The following KIF26B variants were observed in gnomAD, a reference collection of about 807,000 sequenced individuals.
KIF26B encodes kinesin family member 26B, also known as kinesin-like protein KIF26B.
In KIF26B, 63 loss-of-function variants were observed where a neutral mutation model predicts 151.2. That is an observed-to-expected ratio of 0.42 (90% confidence interval 0.34 to 0.51). The LOEUF is 0.51. Among genes scored for constraint, KIF26B ranks in the 20% least tolerant of loss-of-function variants. The probability of loss-of-function intolerance (pLI) is 0.07; values close to 1 mark genes in which losing one functional copy is unlikely to be tolerated. For missense variants in KIF26B, 2,813 were observed against 2,913.6 expected, an observed-to-expected ratio of 0.97 and a Z score of 0.79; for synonymous variants, 1,357 against 1,262.1, an observed-to-expected ratio of 1.08 and a Z score of -1.59.
rs931610189 is a variant in KIF26B at position 245,601,093 on chromosome 1, G to C, written c.1351-1484G>C. ...AACAGCATAGTCCTGGCATATGAGAGAAAATGGCAGGGATCTTTCTATGAC... is the reference window on the plus strand; with the variant it reads ...AACAGCATAGTCCTGGCATATGAGACAAAATGGCAGGGATCTTTCTATGAC... On this transcript the variant is annotated intron_variant, in intron 5 of 14. Transcript: ENST00000407071. The surrounding 1 kb of genome is among the most constrained non-coding windows in gnomAD (Gnocchi z 4.4). Among the ~76,000 whole-genome samples the C allele has an allele frequency of 3.3e-5, 5 of 152,214 alleles. No homozygotes were observed. In the South Asian group the frequency reaches 8.3e-4, roughly 25 times the overall value.
intron 2 of KIF26B, among the ~76,000 whole-genome samples, chr1:245,188,388 G>C (rs997055917): frequency 5.9e-5 from 9 of 151,524 alleles, no homozygotes; most frequent in African/African-American, 2.2e-4. Flanking sequence ...TTGGGAACCA[G>C]CAAAGCCCAC....
At chr1:245,243,443 T>TAC (rs67823049) in intron 2 of KIF26B, among the ~76,000 whole-genome samples, 2,849 of 142,982 alleles carry the variant, frequency 0.02, 30 homozygotes, top group African/African-American at 0.033. Flanking sequence ...TACATATATA[T>TAC]ATATACACAC....
At position 245,602,640 on chromosome 1, in the gene KIF26B, T is replaced by C. The variant is rs368344056; in HGVS notation, c.1414T>C (p.Leu472=). 1.9e-4 allele frequency: 304 copies of C among 1,613,948 alleles called. 1 individual carries two copies. Among genetic ancestry groups the C allele is most frequent in the Non-Finnish European group, 2.5e-4 (297 of 1,179,906 alleles). Residue 472 remains leucine, a synonymous_variant, in exon 6 of 15, where the codon TTA becomes CTA. Coordinates refer to ENST00000407071, the MANE Select transcript of KIF26B (RefSeq NM_018012.4). The surrounding 1 kb of genome is among the most constrained non-coding windows in gnomAD (Gnocchi z 4.5). ...AGATACTTCAGAATCCAGCTCTTTCTTAAAGGTGGACCCACGGAAGAAGCA... is the reference window on the plus strand; with the variant it reads ...AGATACTTCAGAATCCAGCTCTTTCCTAAAGGTGGACCCACGGAAGAAGCA... ...ARDTSESSSF[L]KVDPRKKQIT... is the part of the protein sequence containing the mutation.
At chr1:245,522,681 G>C (rs1018702126) in intron 4 of KIF26B, among the ~76,000 whole-genome samples, 1 of 152,144 alleles carries the variant, frequency 6.6e-6, no homozygotes, top group African/African-American at 2.4e-5. Context: ...TTTTTGACTA[G>C]AAACGAGACC....
intron 10 of KIF26B, among the ~76,000 whole-genome samples, chr1:245,662,967 T>C (rs1287436414): frequency 6.4e-5 from 1 of 15,718 alleles, no homozygotes; most frequent in Non-Finnish European, 1.5e-4. Flanking sequence ...ACCTCTGTCT[T>C]TTTTTTTTTT....
At chr1:245,604,931 C>T (rs1239423979) in intron 6 of KIF26B, among the ~76,000 whole-genome samples, 1 of 152,198 alleles carries the variant, frequency 6.6e-6, no homozygotes, top group Non-Finnish European at 1.5e-5. Flanking sequence ...CACAAGGAAA[C>T]CGAGACTCAA....
At chr1:245,252,775 G>A (rs968821362) in intron 2 of KIF26B, among the ~76,000 whole-genome samples, 1 of 152,012 alleles carries the variant, frequency 6.6e-6, no homozygotes, top group Non-Finnish European at 1.5e-5. Context: ...CTAGAACCAT[G>A]TTGAATAGAA....
intron 2 of KIF26B, among the ~76,000 whole-genome samples, chr1:245,223,559 C>T (rs189577039): frequency 1.8e-4 from 27 of 152,182 alleles, no homozygotes; most frequent in Admixed American, 1.4e-3. Flanking sequence ...TTTTTTTCCA[C>T]CATAGAAAAA....
Position 245,579,705 on chromosome 1 carries a change from C to T in KIF26B, c.1351-22872C>T, listed in dbSNP as rs952673112. On this transcript the variant is annotated intron_variant, in intron 5 of 14. Coordinates refer to ENST00000407071, the MANE Select transcript of KIF26B (RefSeq NM_018012.4). ...AACAAACAAACAAACCAAATTAGCC[C>T]GGTGTGGTGGCACATGCCTGTAATC... Among the ~76,000 whole-genome samples, 6 of 151,454 alleles carry T rather than the reference C, an allele frequency of 4.0e-5. No individual in the cohort carries two copies. In the East Asian group the frequency reaches 9.8e-4, roughly 25 times the overall value.
rs138709713 is a variant in KIF26B at position 245,355,846 on chromosome 1, C to T, written c.466-10988C>T. ...AGGGTAGAGCGTCTCATGAAATCCT[C>T]GGCTCCTGTCTGAAGGCCACAGCTG... On this transcript the variant is annotated intron_variant, in intron 2 of 14. Transcript: ENST00000407071. Among the ~76,000 whole-genome samples the T allele has an allele frequency of 1.2e-4, 19 of 152,200 alleles. No individual in the cohort carries two copies. The East Asian group carries it at 2.1e-3, about 17-fold the overall frequency.
intron 5 of KIF26B, among the ~76,000 whole-genome samples, chr1:245,599,103 A>G (rs1392013078): frequency 6.6e-6 from 1 of 152,138 alleles, no homozygotes; most frequent in Non-Finnish European, 1.5e-5. Context: ...TAAGGGTGTT[A>G]GTGACAAAAG....
In KIF26B at chr1:245,703,164, T is replaced by G. The variant is rs149217287; in HGVS notation, c.*558T>G. ...TTTTCTCTTGGTGTTTTATCCTATT[T>G]CTGACTTGCTGTTTCTAAGTAAGTT... On this transcript the variant is annotated 3_prime_UTR_variant, in exon 15 of 15. Transcript: ENST00000407071. 6.5e-6 allele frequency: 1 copy of G among 152,918 alleles called. No homozygotes were observed. Among genetic ancestry groups the G allele is most frequent in the East Asian group, 1.9e-4 (1 of 5,192 alleles). 9.5% of individuals were successfully genotyped at this position (152,918 alleles called of 1,614,324 possible).
chr1:245,565,089 A>G (rs1245188172), intron 5 of KIF26B, among the ~76,000 whole-genome samples: 1 of 152,164 alleles, frequency 6.6e-6, no homozygotes, highest in Admixed American at 6.5e-5. Flanking sequence ...ATGAGCTATG[A>G]TTGTGCCACT....
rs927395283 is a variant in KIF26B, at chr1:245,540,810, C to G, written c.1210C>G (p.Arg404Gly). ...LNLSSKKKKH[R>G]PSTSSAAEPP... ...TCTGTCTTCTAAAAAGAAGAAACAT[C>G]GGCCTTCCACTTCTTCCGCTGCCGA... The change falls in exon 5 of 15, where the codon CGG becomes GGG. Residue 404 changes from arginine to glycine, a missense_variant. Physicochemically the swap from Arg to Gly is moderately radical, Grantham distance 125 (BLOSUM62 -2). Transcript: ENST00000407071. This position sits in a 1 kb window ranked among gnomAD's most constrained non-coding sequence, Gnocchi z 4.6. 8 of 1,614,000 alleles carry G rather than the reference C, an allele frequency of 5.0e-6. No homozygotes were observed. Among genetic ancestry groups the G allele is most frequent in the African/African-American group, 1.3e-5 (1 of 75,050 alleles).
Position 245,474,924 on chromosome 1 carries a change from T to C in KIF26B, c.1166+55179T>C, listed in dbSNP as rs778123342. On this transcript the variant is annotated intron_variant, in intron 4 of 14. Transcript: ENST00000407071. ...GCCTGGTTCATTTCACTTCCCATAA[T>C]GACCTCTAGTTCCATGCATGTTGTA... Among the ~76,000 whole-genome samples, 4 of 151,816 alleles carry C rather than the reference T, an allele frequency of 2.6e-5. 1 individual carries two copies. Among genetic ancestry groups the C allele is most frequent in the East Asian group, 1.9e-4 (1 of 5,196 alleles).
chr1:245,496,806 G>A (rs764596314), intron 4 of KIF26B, among the ~76,000 whole-genome samples: 6 of 152,114 alleles, frequency 3.9e-5, no homozygotes, highest in Admixed American at 2.6e-4. Context: ...TATAAGAGAC[G>A]CTTCATAAAT....
chr1:245,378,724 C>A (rs1469993216), intron 3 of KIF26B, among the ~76,000 whole-genome samples: 1 of 152,136 alleles, frequency 6.6e-6, no homozygotes, highest in Non-Finnish European at 1.5e-5. Flanking sequence ...GAGGCTGATA[C>A]TCATCAATGA....
chr1:245,273,378 A>G (rs1011217685), intron 2 of KIF26B, among the ~76,000 whole-genome samples: 1 of 150,312 alleles, frequency 6.7e-6, no homozygotes, highest in Non-Finnish European at 1.5e-5. Flanking sequence ...AGATAGTGCC[A>G]TGGCACTCCT....
At chr1:245,202,530 G>A (rs915557301) in intron 2 of KIF26B, among the ~76,000 whole-genome samples, 7 of 152,088 alleles carry the variant, frequency 4.6e-5, no homozygotes, top group Non-Finnish European at 8.8e-5. Context: ...GGGCCAAGGC[G>A]GGAGGATTCT....
Sources: allele counts gnomAD v4.1 joint callset (sites outside exome capture counted in the v4.1 genomes callset), GRCh38; gene constraint gnomAD v4.1.1; non-coding constraint Gnocchi (gnomAD v3.1); transcripts MANE v1.5; gene names NCBI Gene and HGNC (gene_info 2026-07-23, HGNC 2026-07-21).